The following UGT1A5 variants were observed in gnomAD, a reference collection of about 807,000 sequenced individuals.
The protein encoded by UGT1A5 is UDP glucuronosyltransferase family 1 member A5, also known as UDP-glucuronosyltransferase 1A5.
Under a neutral mutation model 40.3 loss-of-function variants are expected in UGT1A5, and 29 were observed. The observed-to-expected ratio is 0.72, with a 90% confidence interval of 0.54 to 0.98. The LOEUF is 0.98. UGT1A5 is among the 50% of genes least tolerant of loss of function. UGT1A5 has a pLI of 0.00. For missense variants in UGT1A5, 678 were observed against 677.9 expected, an observed-to-expected ratio of 1.00 and a Z score of 0.00; for synonymous variants, 257 against 262.5, an observed-to-expected ratio of 0.98 and a Z score of 0.20.
rs115332590 is a variant in UGT1A5 at position 233,732,850 on chromosome 2, G to T, written c.867+18992G>T. Among the ~76,000 whole-genome samples the T allele has an allele frequency of 7.9e-3, 1,186 of 150,004 alleles. 18 individuals carry two copies. Among genetic ancestry groups the T allele is most frequent in the African/African-American group, 0.025 (998 of 40,660 alleles). On this transcript the variant is annotated intron_variant, in intron 1 of 4. Coordinates refer to ENST00000373414, the MANE Select transcript of UGT1A5 (RefSeq NM_019078.2). ...AAGTAGTTTTTTCCAATTTTGTGAA[G>T]TCATTGGTAGCTTGATGGGTTTGGC...
At position 233,769,619 on chromosome 2, in the gene UGT1A5, C is replaced by G; in HGVS notation, c.1307+1180C>G. The G allele has an allele frequency of 1.9e-6, 3 of 1,612,516 alleles. No individual in the cohort carries two copies. The highest frequency in any genetic ancestry group is 2.5e-6 in the Non-Finnish European group (3 of 1,179,738). ...GAACACGGGGACACACCAGCTTGAG[C>G]AAGGGACAACAGGGGAGGACTGATG... On this transcript the variant is annotated intron_variant, in intron 4 of 4. Transcript: ENST00000373414. This position sits in a 1 kb window ranked among gnomAD's most constrained non-coding sequence, Gnocchi z 4.4.
chr2:233,756,979 A>C (rs1394621821), intron 1 of UGT1A5, among the ~76,000 whole-genome samples: 3 of 152,152 alleles, frequency 2.0e-5, no homozygotes. Flanking sequence ...CGCAATGAAC[A>C]GTCATAGTAA....
chr2:233,760,863 C>A, intron 1 of UGT1A5: 1 of 1,614,134 alleles, frequency 6.2e-7, no homozygotes, highest in Non-Finnish European at 8.5e-7. Flanking sequence ...CATTCTCCTA[C>A]GTGCCCAGGC....
chr2:233,724,324 G>A (rs1335235412), intron 1 of UGT1A5, among the ~76,000 whole-genome samples: 16 of 147,022 alleles, frequency 1.1e-4, no homozygotes, highest in African/African-American at 1.5e-4. Flanking sequence ...GGGGCGGCTG[G>A]CCAGGCGGGG....
At chr2:233,726,020 T>C (rs1287334417) in intron 1 of UGT1A5, among the ~76,000 whole-genome samples, 1 of 152,052 alleles carries the variant, frequency 6.6e-6, no homozygotes, top group African/African-American at 2.4e-5. Context: ...CAAAAAATTA[T>C]CCAGGTGTGA....
intron 1 of UGT1A5, among the ~76,000 whole-genome samples, chr2:233,715,816 G>A (rs1294109650): frequency 6.6e-6 from 1 of 152,118 alleles, no homozygotes; most frequent in Non-Finnish European, 1.5e-5. Context: ...TTGTTTTAAA[G>A]TTAGAAAACA....
intron 1 of UGT1A5, chr2:233,718,641 G>A: frequency 6.8e-7 from 1 of 1,475,748 alleles, no homozygotes; most frequent in Non-Finnish European, 9.1e-7. Context: ...CCAGGGTTGG[G>A]CCCATAACGA....
rs754634228 is a variant in UGT1A5, at chr2:233,718,864, G to T, written c.867+5006G>T. On this transcript the variant is annotated intron_variant, in intron 1 of 4. Coordinates refer to ENST00000373414, the MANE Select transcript of UGT1A5 (RefSeq NM_019078.2). ...GTTCCCCTGCCGCGGCTGGCCACAG[G>T]ACTGCTGCTCCTCCTCAGTGTCCAG... 1 of 1,613,858 alleles carries T rather than the reference G, an allele frequency of 6.2e-7. No homozygotes were observed. The highest frequency in any genetic ancestry group is 2.2e-5 in the East Asian group (1 of 44,890).
intron 1 of UGT1A5, among the ~76,000 whole-genome samples, chr2:233,737,121 G>T (rs11684169): frequency 0.034 from 5,131 of 152,320 alleles, 100 homozygotes; most frequent in African/African-American, 0.051. Context: ...ATGTTCAGAA[G>T]TTGTCTGCTG....
chr2:233,735,441 C>T (rs867526694), intron 1 of UGT1A5, among the ~76,000 whole-genome samples: 5 of 151,950 alleles, frequency 3.3e-5, no homozygotes, highest in African/African-American at 9.7e-5. Flanking sequence ...TACAGCATAC[C>T]GATGGGCCTT....
intron 1 of UGT1A5, among the ~76,000 whole-genome samples, chr2:233,749,734 G>A (rs1231776352): frequency 4.0e-5 from 6 of 151,850 alleles, no homozygotes; most frequent in African/African-American, 1.5e-4. Flanking sequence ...GCACCTGCTG[G>A]TCTCATCATA....
Position 233,747,479 on chromosome 2 carries a change from T to A in UGT1A5, c.868-19555T>A, listed in dbSNP as rs897770159. 3 of 1,608,758 alleles carry A rather than the reference T, an allele frequency of 1.9e-6. No individual in the cohort carries two copies. The African/African-American group carries it at 4.0e-5, about 22-fold the overall frequency. ...CCATTTCATGGACCCAGGATGAATT[T>A]GATCGCCTTGTGCTGGGCCACACTC... On this transcript the variant is annotated intron_variant, in intron 1 of 4. Coordinates refer to ENST00000373414, the MANE Select transcript of UGT1A5 (RefSeq NM_019078.2).
intron 1 of UGT1A5, chr2:233,755,161 C>A (rs1553619056): frequency 1.5e-6 from 2 of 1,292,236 alleles, no homozygotes; most frequent in East Asian, 4.6e-5. Context: ...TCCCTGTCCT[C>A]GGGGTTTTTG....
chr2:233,724,266 G>A (rs1189985435), intron 1 of UGT1A5, among the ~76,000 whole-genome samples: 3 of 135,606 alleles, frequency 2.2e-5, no homozygotes, highest in Non-Finnish European at 4.8e-5. Flanking sequence ...CTCCCGGACG[G>A]GGCGGCTGGC....
chr2:233,752,549 C>G (rs1323378417), intron 1 of UGT1A5: 4 of 152,146 alleles, frequency 2.6e-5, no homozygotes, highest in Admixed American at 2.0e-4. Context: ...AATGCTCTTG[C>G]TGGGACAACA....
rs1043133002 is a variant in UGT1A5, at chr2:233,769,410, C to T, written c.1307+971C>T. On this transcript the variant is annotated intron_variant, in intron 4 of 4. Transcript: ENST00000373414. This position sits in a 1 kb window ranked among gnomAD's most constrained non-coding sequence, Gnocchi z 4.4. ...GATACTGTGTGCATATGTGCGTGTG[C>T]GTTTGTGCATGTGGCTGTGCTCATG... is the stretch of plus-strand genomic sequence containing the variant. 3.7e-5 allele frequency: 49 copies of T among 1,332,922 alleles called. No homozygotes were observed. The highest frequency in any genetic ancestry group is 1.1e-4 in the Admixed American group (6 of 53,448). The allele number at this position is 1,332,922 out of a possible 1,614,324, so 82.6% of individuals were successfully genotyped here.
intron 1 of UGT1A5, chr2:233,729,832 T>C: frequency 6.2e-7 from 1 of 1,613,940 alleles, no homozygotes; most frequent in Non-Finnish European, 8.5e-7. Flanking sequence ...AAGCCTTGCC[T>C]CTGAGCTTTT....
intron 1 of UGT1A5, among the ~76,000 whole-genome samples, chr2:233,757,057 G>A (rs1201778154): frequency 6.6e-6 from 1 of 151,606 alleles, no homozygotes; most frequent in Non-Finnish European, 1.5e-5. Flanking sequence ...TTGGGGAACA[G>A]CAAGGGATCC....
chr2:233,748,866 G>T (rs17862876), intron 1 of UGT1A5, among the ~76,000 whole-genome samples: 1,756 of 151,560 alleles, frequency 0.012, 18 homozygotes, highest in Non-Finnish European at 0.019. Flanking sequence ...AGTTAAGCTG[G>T]GGACGGTGAT....
Sources: allele counts gnomAD v4.1 joint callset (sites outside exome capture counted in the v4.1 genomes callset), GRCh38; gene constraint gnomAD v4.1.1; non-coding constraint Gnocchi (gnomAD v3.1); transcripts MANE v1.5; gene names NCBI Gene and HGNC (gene_info 2026-07-23, HGNC 2026-07-21).